The following C1GALT1 variants were observed in gnomAD, a reference collection of about 807,000 sequenced individuals.
The protein encoded by C1GALT1 is core 1 synthase, glycoprotein-N-acetylgalactosamine 3-beta-galactosyltransferase 1.
In C1GALT1, 11 loss-of-function variants were observed where a neutral mutation model predicts 31.0. The ratio of observed to expected loss-of-function variants is 0.36; its 90% CI spans 0.22 to 0.59. The LOEUF (loss-of-function observed/expected upper bound fraction) is 0.59. Ranked by LOEUF, C1GALT1 falls within the 20% of genes least tolerant of loss-of-function variation. The pLI is 0.79. For missense variants in C1GALT1, 424 were observed against 425.2 expected, an observed-to-expected ratio of 1.00 and a Z score of 0.03; for synonymous variants, 175 against 143.6, an observed-to-expected ratio of 1.22 and a Z score of -1.56.
At chr7:7,187,244 T>C (rs1020225730) in intron 1 of C1GALT1, among the ~76,000 whole-genome samples, 1 of 149,148 alleles carries the variant, frequency 6.7e-6, no homozygotes, top group African/African-American at 2.5e-5. Context: ...TTATCTCTAT[T>C]CTTCCTGAGA....
intron 1 of C1GALT1, among the ~76,000 whole-genome samples, chr7:7,194,485 G>T (rs535137946): frequency 6.6e-6 from 1 of 151,894 alleles, no homozygotes; most frequent in African/African-American, 2.4e-5. Flanking sequence ...TATTGACTTG[G>T]GTATGTTAAA....
At chr7:7,228,870 C>G (rs999596086) in intron 1 of C1GALT1, among the ~76,000 whole-genome samples, 1 of 152,228 alleles carries the variant, frequency 6.6e-6, no homozygotes, top group African/African-American at 2.4e-5. Flanking sequence ...AGTGCCTCTT[C>G]AGCTAAGAAA....
At chr7:7,202,741 T>G (rs1450217611) in intron 1 of C1GALT1, among the ~76,000 whole-genome samples, 1 of 152,188 alleles carries the variant, frequency 6.6e-6, no homozygotes, top group Non-Finnish European at 1.5e-5. Flanking sequence ...TTAGAATGGA[T>G]TTTTCTCTTT....
Position 7,243,555 on chromosome 7 carries a change from C to G in C1GALT1, c.920C>G (p.Ser307Cys). 1 of 1,607,250 alleles carries G rather than the reference C, an allele frequency of 6.2e-7. No homozygotes were observed. Among genetic ancestry groups the G allele is most frequent in the South Asian group, 1.1e-5 (1 of 89,478 alleles). Residue 307 changes from serine to cysteine, a missense_variant, in exon 4 of 4, where the codon TCT becomes TGT. Around this residue, in one of 3 missense-constraint regions of C1GALT1, gnomAD observed 191 missense variants for 188.8 expected, o/e 1.01. Coordinates refer to ENST00000436587, the MANE Select transcript of C1GALT1 (RefSeq NM_020156.5). The stretch of plus-strand genomic sequence containing the variant: ...GGTTGCTGCTCTGATCTTGCAGTTT[C>G]TTTTCACTATGTTGATTCTACAACC... Reference protein sequence around the residue: ...GPGCCSDLAVSFHYVDSTTMY... With the variant: ...GPGCCSDLAVCFHYVDSTTMY...
intron 1 of C1GALT1, among the ~76,000 whole-genome samples, chr7:7,223,823 T>C (rs1583810571): frequency 6.6e-6 from 1 of 152,114 alleles, no homozygotes; most frequent in Non-Finnish European, 1.5e-5. Context: ...GTGATGAGAG[T>C]GGACATCCTT....
chr7:7,208,106 A>G (rs562518132), intron 1 of C1GALT1, among the ~76,000 whole-genome samples: 2 of 152,136 alleles, frequency 1.3e-5, no homozygotes, highest in African/African-American at 4.8e-5. Context: ...CACGTTGTAT[A>G]TGTTACTCAC....
intron 1 of C1GALT1, among the ~76,000 whole-genome samples, chr7:7,215,299 A>G (rs996604459): frequency 5.3e-5 from 8 of 152,210 alleles, no homozygotes; most frequent in African/African-American, 1.7e-4. Context: ...CAGATTGTTT[A>G]TAACTGAAGA....
chr7:7,198,105 C>T (rs1781377049), intron 1 of C1GALT1, among the ~76,000 whole-genome samples: 1 of 152,184 alleles, frequency 6.6e-6, no homozygotes, highest in African/African-American at 2.4e-5. Flanking sequence ...GCATCCCTGT[C>T]TTGTGCCAGT....
intron 2 of C1GALT1, among the ~76,000 whole-genome samples, chr7:7,236,877 A>G (rs555643505): frequency 6.6e-6 from 1 of 152,136 alleles, no homozygotes; most frequent in African/African-American, 2.4e-5. Flanking sequence ...ATTCCCTCTC[A>G]GTTGGTTAAC....
chr7:7,235,386 G>T (rs764152655), intron 2 of C1GALT1: 5 of 152,122 alleles, frequency 3.3e-5, no homozygotes, highest in Non-Finnish European at 7.4e-5. Context: ...AGATTTCAAA[G>T]CCTGGTTCCA....
At chr7:7,241,317 C>G (rs1253477316) in intron 3 of C1GALT1, among the ~76,000 whole-genome samples, 2 of 151,978 alleles carry the variant, frequency 1.3e-5, no homozygotes, top group African/African-American at 4.8e-5. Flanking sequence ...TTATCATACA[C>G]TGTAACCTTA....
chr7:7,200,557 G>C (rs1166769935), intron 1 of C1GALT1, among the ~76,000 whole-genome samples: 3 of 152,080 alleles, frequency 2.0e-5, no homozygotes, highest in Admixed American at 6.5e-5. Flanking sequence ...CGCTAGATTG[G>C]GGGGGTTCTC....
At chr7:7,159,420 G>GC (rs1048231823) in intron 2 of C1GALT1, among the ~76,000 whole-genome samples, 3 of 151,928 alleles carry the variant, frequency 2.0e-5, no homozygotes, top group Non-Finnish European at 4.4e-5. Flanking sequence ...AGGAAAGAAA[G>GC]AAAACAGGAA....
intron 1 of C1GALT1, among the ~76,000 whole-genome samples, chr7:7,208,534 C>T (rs1344307957): frequency 1.3e-5 from 2 of 151,808 alleles, no homozygotes; most frequent in Non-Finnish European, 2.9e-5. Context: ...TGATGTTTGG[C>T]TCCTAAAAAA....
At position 7,245,966 on chromosome 7, in the gene C1GALT1, A is replaced by C. The variant is rs1400834984; in HGVS notation, c.*2239A>C. 2.0e-5 allele frequency: 3 copies of C among 152,192 alleles called. No homozygotes were observed. Among genetic ancestry groups the C allele is most frequent in the Admixed American group, 1.3e-4 (2 of 15,272 alleles). 9.4% of individuals were successfully genotyped at this position (152,192 alleles called of 1,614,324 possible). A position where few individuals can be genotyped will look rare whatever the true frequency, so the allele number is the denominator to read the frequency against. On this transcript the variant is annotated 3_prime_UTR_variant, in exon 4 of 4. Transcript: ENST00000436587. The stretch of plus-strand genomic sequence containing the variant: ...ATTTTTATGAGGATTAAATAAATGT[A>C]AGGTTTTTAGAACATTGATAGGGAG...
chr7:7,170,554 G>A (rs1450452826), intron 2 of C1GALT1, among the ~76,000 whole-genome samples: 6 of 152,150 alleles, frequency 3.9e-5, no homozygotes, highest in East Asian at 1.9e-4. Flanking sequence ...AGGCCGAGGC[G>A]GGCAGATCAC....
Position 7,163,739 on chromosome 7 carries a change from C to T in C1GALT1, c.-18+6313C>T, listed in dbSNP as rs192254994. ...CAATTGCTTCAAAGAGAATAAAATA[C>T]CTAGGAATCCAACTTACAAGGGACG... On this transcript the variant is annotated intron_variant, in intron 2 of 3. Transcript: ENST00000429911. Among the ~76,000 whole-genome samples the T allele has an allele frequency of 4.8e-3, 738 of 152,182 alleles. 7 individuals are homozygous for T. Among genetic ancestry groups the T allele is most frequent in the Non-Finnish European group, 8.8e-3 (598 of 68,008 alleles).
intron 1 of C1GALT1, among the ~76,000 whole-genome samples, chr7:7,202,511 C>T (rs1379477752): frequency 6.6e-6 from 1 of 152,154 alleles, no homozygotes; most frequent in African/African-American, 2.4e-5. Context: ...TCTTGGCTCC[C>T]TTCCCAAAAA....
intron 1 of C1GALT1, among the ~76,000 whole-genome samples, chr7:7,209,740 T>G (rs2128238437): frequency 6.6e-6 from 1 of 152,312 alleles, no homozygotes; most frequent in Non-Finnish European, 1.5e-5. Context: ...TTCACTCACG[T>G]CCGTGTGAAG....
Sources: allele counts gnomAD v4.1 joint callset (sites outside exome capture counted in the v4.1 genomes callset), GRCh38; gene constraint gnomAD v4.1.1; regional missense constraint gnomAD v4.1.1; transcripts MANE v1.5; gene names NCBI Gene and HGNC (gene_info 2026-07-23, HGNC 2026-07-21).